Variants in THAP9 observed in about 807,000 individuals in gnomAD.
THAP9 encodes DNA transposase THAP9.
In THAP9, 20 loss-of-function variants were observed where a neutral mutation model predicts 35.7. The observed-to-expected ratio is 0.56, with a 90% CI of 0.39 to 0.81. The LOEUF is 0.81. THAP9 is among the 40% of genes least tolerant of loss of function. THAP9 has a pLI of 0.00. For synonymous variants in THAP9, 335 were observed against 373.7 expected, an observed-to-expected ratio of 0.90 and a Z score of 1.19; for missense variants, 870 against 1,047.4, an observed-to-expected ratio of 0.83 and a Z score of 2.34.
intron 1 of THAP9, among the ~76,000 whole-genome samples, chr4:82,901,642 T>G (rs1195888462): frequency 6.6e-6 from 1 of 151,972 alleles, no homozygotes; most frequent in Admixed American, 6.6e-5. Context: ...GAGAAACCAT[T>G]TTAAAAATGT....
intron 4 of THAP9, among the ~76,000 whole-genome samples, chr4:82,910,488 G>A (rs1455539346): frequency 6.7e-6 from 1 of 149,180 alleles, no homozygotes; most frequent in South Asian, 2.1e-4. Flanking sequence ...TTAGTGTTCT[G>A]TTATATTAAT....
At chr4:82,916,858 G>C (rs1721047912) in intron 4 of THAP9, 86 bp from the exon 5 acceptor site, 5 of 1,191,758 alleles carry the variant, frequency 4.2e-6, no homozygotes, top group Non-Finnish European at 5.6e-6. Context: ...ACAGGGATGG[G>C]AGACTACTTT....
intron 4 of THAP9, among the ~76,000 whole-genome samples, chr4:82,909,539 G>A (rs144115910): frequency 0.01 from 1,531 of 151,800 alleles, 14 homozygotes; most frequent in Non-Finnish European, 0.012. Flanking sequence ...TATCTGTAAC[G>A]TTATTTTGAA....
At chr4:82,907,755 C>G (rs1247922609) in intron 3 of THAP9, 30 bp from the exon 4 acceptor site, 9 of 1,526,170 alleles carry the variant, frequency 5.9e-6, no homozygotes, top group Non-Finnish European at 8.0e-6. Flanking sequence ...TACTATTCAT[C>G]ACAAAGAATA....
At chr4:82,907,238 A>G (rs2126012730) in intron 3 of THAP9, among the ~76,000 whole-genome samples, 1 of 152,308 alleles carries the variant, frequency 6.6e-6, no homozygotes, top group South Asian at 2.1e-4. Flanking sequence ...CTAGGAAAAG[A>G]GAAATGTGTC....
At chr4:82,914,126 C>T (rs1560697280) in intron 4 of THAP9, among the ~76,000 whole-genome samples, 1 of 152,218 alleles carries the variant, frequency 6.6e-6, no homozygotes, top group Non-Finnish European at 1.5e-5. Context: ...TAATAGCCTT[C>T]AGCTCTATCC....
intron 4 of THAP9, chr4:82,910,845 T>C: frequency 3.1e-6 from 1 of 323,784 alleles, no homozygotes; most frequent in South Asian, 2.6e-5. Context: ...CCATTGGATT[T>C]TGCAAGATGA....
At chr4:82,901,459 A>G (rs1255307601) in intron 1 of THAP9, among the ~76,000 whole-genome samples, 1 of 152,208 alleles carries the variant, frequency 6.6e-6, no homozygotes, top group African/African-American at 2.4e-5. Context: ...AGGGTACACT[A>G]GCAAGTAGAA....
intron 1 of THAP9, among the ~76,000 whole-genome samples, chr4:82,903,042 G>A (rs1349057125): frequency 1.3e-5 from 2 of 152,128 alleles, no homozygotes; most frequent in East Asian, 1.9e-4. Flanking sequence ...CTATATTTTT[G>A]TAGCATTTAG....
At chr4:82,910,727 G>GCCATC in intron 4 of THAP9, 1 of 546,710 alleles carries the variant, frequency 1.8e-6, no homozygotes, top group Non-Finnish European at 3.2e-6. Flanking sequence ...GGAAAACCAG[G>GCCATC]AGATTGTGAT....
In THAP9 at chr4:82,904,763, A is replaced by G. The variant is rs1217079833; in HGVS notation, c.108A>G (p.Ser36=). The G allele has an allele frequency of 6.2e-7, 1 of 1,614,186 alleles. No homozygotes were observed. Among genetic ancestry groups the G allele is most frequent in the African/African-American group, 1.3e-5 (1 of 75,052 alleles). Residue 36 remains serine (S), a synonymous_variant, in exon 2 of 5, where the codon TCA becomes TCG. Transcript: ENST00000302236. ...HQFPTDTIQR[S]KWIRAVNRVD... is the part of the protein sequence containing the mutation. ...TTCCAACTGATACCATACAGCGCTC[A>G]AAATGGATCAGGGCTGTTAATCGTG...
Position 82,907,925 on chromosome 4 carries a change from A to G in THAP9, c.721A>G (p.Ile241Val). ...GATTCTTAAGCTGCCTCATTCTTCC[A>G]TCCTCAGAACGTAAGTGAATTATTT... is the stretch of plus-strand genomic sequence containing the variant. ...RKILKLPHSS[I>V]LRTWLSKCQP... Residue 241 changes from isoleucine to valine, a missense_variant, in exon 4 of 5, where the codon ATC becomes GTC. By Grantham distance (29) the Ile-to-Val change is conservative. This residue lies in a region of THAP9 where 440 missense variants were observed against 501.2 expected (regional missense o/e 0.88). Coordinates refer to ENST00000302236, the MANE Select transcript of THAP9 (RefSeq NM_024672.6). 6.2e-7 allele frequency: 1 copy of G among 1,609,080 alleles called. No homozygotes were observed. The highest frequency in any genetic ancestry group is 8.5e-7 in the Non-Finnish European group (1 of 1,178,690).
intron 4 of THAP9, among the ~76,000 whole-genome samples, chr4:82,911,074 C>T (rs955710001): frequency 2.8e-4 from 42 of 151,964 alleles, no homozygotes; most frequent in Admixed American, 1.8e-3. Context: ...GATGTCCCAG[C>T]GTGTTCGCAT....
chr4:82,917,176 G>C lies in THAP9; in HGVS notation c.964G>C (p.Val322Leu). The change falls in exon 5 of 5, where the codon GTT becomes CTT. Residue 322 changes from valine (V) to leucine (L), a missense_variant. Val to Leu is a conservative substitution (Grantham distance 32). Around this residue, in one of 3 missense-constraint regions of THAP9, gnomAD observed 440 missense variants for 501.2 expected, o/e 0.88. Coordinates refer to ENST00000302236, the MANE Select transcript of THAP9 (RefSeq NM_024672.6). ...ADETPLASETVLLMAVGIFGH... is the reference protein window; with the variant it reads ...ADETPLASETLLLMAVGIFGH... ...TGAAACGCCACTTGCTTCAGAAACT[G>C]TTTTGTTAATGGCAGTGGGTATTTT... 6.2e-7 allele frequency: 1 copy of C among 1,613,966 alleles called. No individual in the cohort carries two copies. The highest frequency in any genetic ancestry group is 8.5e-7 in the Non-Finnish European group (1 of 1,179,920).
Position 82,906,539 on chromosome 4 carries a change from G to A in THAP9, c.492G>A (p.Lys164=). ...TAAAGAACTACAGGATGATCAAGAA[G>A]AGAAAGGGTTTACGATTAATTGATG... ...ISVKNYRMIK[K]RKGLRLIDAL... Residue 164 remains lysine, a synonymous_variant, in exon 3 of 5, where the codon AAG becomes AAA. Transcript: ENST00000302236. The A allele has an allele frequency of 6.2e-7, 1 of 1,613,762 alleles. No individual in the cohort carries two copies. Among genetic ancestry groups the A allele is most frequent in the South Asian group, 1.1e-5 (1 of 91,048 alleles).
chr4:82,900,827 G>T lies in THAP9; in HGVS notation c.25G>T (p.Gly9Cys). 1.2e-6 allele frequency: 2 copies of T among 1,613,628 alleles called. No individual in the cohort carries two copies. The highest frequency in any genetic ancestry group is 1.7e-6 in the Non-Finnish European group (2 of 1,180,018). MTRSCSAV[G>C]CSTRDTVLSR... The stretch of plus-strand genomic sequence containing the variant: ...GATGACCCGAAGTTGCTCCGCAGTG[G>T]GCTGCAGCACCCGTGACACCGTGCT... The change falls in exon 1 of 5, where the codon GGC becomes TGC. Residue 9 changes from glycine (G) to cysteine (C), a missense_variant. By Grantham distance (159) the Gly-to-Cys change is radical. Transcript: ENST00000302236.
intron 4 of THAP9, among the ~76,000 whole-genome samples, chr4:82,914,131 C>G (rs1342451517): frequency 1.3e-5 from 2 of 152,340 alleles, no homozygotes; most frequent in Admixed American, 6.5e-5. Context: ...GCCTTCAGCT[C>G]TATCCATGTT....
chr4:82,906,356 A>AAGAC lies in THAP9; in HGVS notation c.311_314dup (p.Lys106ThrfsTer18). Reference sequence around the variant, plus strand: ...AAGGTGTACATCTTAAAGGTAAAGCAAGACAAAAAATCCTAAAACAACCTC... The same window carrying AAGAC: ...AAGGTGTACATCTTAAAGGTAAAGCAAGACAGACAAAAAATCCTAAAACAACCTC... On this transcript the variant is annotated frameshift_variant, in exon 3 of 5. Transcript: ENST00000302236. LOFTEE classifies it high-confidence loss of function. The AAGAC allele has an allele frequency of 6.2e-7, 1 of 1,606,796 alleles. No homozygotes were observed. Among genetic ancestry groups the AAGAC allele is most frequent in the Non-Finnish European group, 8.5e-7 (1 of 1,176,084 alleles).
chr4:82,911,403 AAC>A (rs1019109979), intron 4 of THAP9, among the ~76,000 whole-genome samples: 3 of 152,068 alleles, frequency 2.0e-5, no homozygotes, highest in African/African-American at 7.2e-5. Flanking sequence ...CACCCTGGCT[AAC>A]ACGGTGAAAC....
Sources: allele counts gnomAD v4.1 joint callset (sites outside exome capture counted in the v4.1 genomes callset), GRCh38; gene constraint gnomAD v4.1.1; regional missense constraint gnomAD v4.1.1; transcripts MANE v1.5; gene names NCBI Gene and HGNC (gene_info 2026-07-23, HGNC 2026-07-21).